The following BMPR2 variants were observed in gnomAD, a reference collection of about 807,000 sequenced individuals.
BMPR2 encodes the protein bone morphogenetic protein receptor type 2.
A neutral mutation model predicts 100.8 loss-of-function variants in BMPR2; 29 were observed. The observed-to-expected ratio is 0.29, with a 90% confidence interval of 0.21 to 0.39. The LOEUF is 0.39. Ranked by LOEUF, BMPR2 falls within the 10% of genes least tolerant of loss-of-function variation. The pLI is 1.00. For missense variants in BMPR2, 1,011 were observed against 1,274.5 expected (o/e 0.79, Z 3.15); for synonymous variants, 382 against 442.3 (o/e 0.86, Z 1.71).
chr2:202,540,531 CTT>C (rs1177068717), intron 9 of BMPR2, among the ~76,000 whole-genome samples: 14 of 152,262 alleles, frequency 9.2e-5, no homozygotes, highest in Non-Finnish European at 1.5e-4. Flanking sequence ...TTACAACAAA[CTT>C]GGGCGATGCT....
At chr2:202,451,043 TC>T (rs1402792973) in intron 1 of BMPR2, among the ~76,000 whole-genome samples, 1 of 152,146 alleles carries the variant, frequency 6.6e-6, no homozygotes. Context: ...CCAGAATTAG[TC>T]CCTGAACTTC....
At chr2:202,461,385 G>A (rs569652089) in intron 1 of BMPR2, among the ~76,000 whole-genome samples, 1 of 152,234 alleles carries the variant, frequency 6.6e-6, no homozygotes, top group Non-Finnish European at 1.5e-5. Context: ...TTGGGAGGCT[G>A]AGGCAGGAGA....
intron 3 of BMPR2, among the ~76,000 whole-genome samples, chr2:202,511,039 T>C (rs1010096800): frequency 6.6e-6 from 1 of 151,744 alleles, no homozygotes; most frequent in East Asian, 1.9e-4. Context: ...ATTAGTCATA[T>C]TAAAATGTAC....
intron 1 of BMPR2, among the ~76,000 whole-genome samples, chr2:202,432,447 A>T (rs749420482): frequency 1.3e-5 from 2 of 150,576 alleles, no homozygotes; most frequent in Non-Finnish European, 2.9e-5. Flanking sequence ...TGGTTGTAAC[A>T]TCTAGGAGAT....
Position 202,532,554 on chromosome 2 carries a change from C to G in BMPR2, c.1129-31C>G, listed in dbSNP as rs878919608. The G allele has an allele frequency of 2.5e-5, 41 of 1,610,110 alleles. No homozygotes were observed. In the South Asian group the frequency reaches 3.2e-4, roughly 13 times the overall value. On this transcript the variant is annotated intron_variant, in intron 8 of 12. Coordinates refer to ENST00000374580, the MANE Select transcript of BMPR2 (RefSeq NM_001204.7). This position sits in a 1 kb window ranked among gnomAD's most constrained non-coding sequence, Gnocchi z 4.1. ...TGTTCTTCAGAATATGCTACGTTCT[C>G]TCTCTAAAAAATATCACTCTAATTT...
chr2:202,484,007 T>C (rs1363204626), intron 3 of BMPR2, among the ~76,000 whole-genome samples: 1 of 152,164 alleles, frequency 6.6e-6, no homozygotes, highest in Non-Finnish European at 1.5e-5. Flanking sequence ...GGCAGTTGGA[T>C]CACTTAAGCC....
At chr2:202,467,265 A>G (rs998481423) in intron 2 of BMPR2, among the ~76,000 whole-genome samples, 3 of 152,190 alleles carry the variant, frequency 2.0e-5, no homozygotes, top group Non-Finnish European at 2.9e-5. Context: ...CTCCGCCTCA[A>G]TAAATAAATA....
rs532172360 is a variant in BMPR2, at chr2:202,564,786, G to C, written c.*4840G>C. 2 of 152,282 alleles carry C rather than the reference G, an allele frequency of 1.3e-5. No individual in the cohort carries two copies. Among genetic ancestry groups the C allele is most frequent in the South Asian group, 2.1e-4 (1 of 4,810 alleles). The allele number at this position is 152,282 out of a possible 1,614,324, so 9.4% of individuals were successfully genotyped here. ...AGTTAGGCTGGGCGCGGTGGCTCAC[G>C]CCTGTAATCCCAGCACTTTGGGAGG... On this transcript the variant is annotated 3_prime_UTR_variant, in exon 13 of 13. Coordinates refer to ENST00000374580, the MANE Select transcript of BMPR2 (RefSeq NM_001204.7).
intron 10 of BMPR2, among the ~76,000 whole-genome samples, chr2:202,548,462 CA>C (rs1323997914): frequency 8.3e-5 from 12 of 143,718 alleles, no homozygotes; most frequent in South Asian, 4.5e-4. Flanking sequence ...GACCCCATCT[CA>C]AAAAAAAAAG....
At chr2:202,415,904 G>A (rs1325391601) in intron 1 of BMPR2, among the ~76,000 whole-genome samples, 2 of 152,216 alleles carry the variant, frequency 1.3e-5, no homozygotes, top group Non-Finnish European at 2.9e-5. Flanking sequence ...GGATCCAGGA[G>A]TAATTTTAAC....
chr2:202,474,218 G>A (rs527789442), intron 3 of BMPR2, among the ~76,000 whole-genome samples: 12 of 152,146 alleles, frequency 7.9e-5, no homozygotes, highest in Admixed American at 7.9e-4. Context: ...CACTTTGGAA[G>A]GCCGAGGCAG....
intron 1 of BMPR2, among the ~76,000 whole-genome samples, chr2:202,401,142 A>G (rs1433348223): frequency 6.6e-6 from 1 of 152,140 alleles, no homozygotes; most frequent in African/African-American, 2.4e-5. Flanking sequence ...GAGTATGCAA[A>G]TGTCTTTTGT....
Position 202,440,456 on chromosome 2 carries a change from G to A in BMPR2, c.77-24353G>A, listed in dbSNP as rs192043478. Among the ~76,000 whole-genome samples the A allele has an allele frequency of 3.0e-3, 455 of 149,668 alleles. 29 individuals are homozygous for A. The highest frequency in any genetic ancestry group is 0.011 in the African/African-American group (438 of 39,254). On this transcript the variant is annotated intron_variant, in intron 1 of 12. Transcript: ENST00000374580. Reference sequence around the variant, plus strand: ...TCACTTCCTAGACGGGATGGCTGCCGGGAAGAGGCGCTCCTCACTTCCCAG... The same window carrying A: ...TCACTTCCTAGACGGGATGGCTGCCAGGAAGAGGCGCTCCTCACTTCCCAG...
chr2:202,541,056 G>T (rs1391825380), intron 9 of BMPR2, among the ~76,000 whole-genome samples: 1 of 152,060 alleles, frequency 6.6e-6, no homozygotes, highest in Non-Finnish European at 1.5e-5. Flanking sequence ...AGAGTTGATT[G>T]TGCTTATTGG....
At chr2:202,429,674 G>C (rs1192090780) in intron 1 of BMPR2, among the ~76,000 whole-genome samples, 2 of 152,160 alleles carry the variant, frequency 1.3e-5, no homozygotes, top group African/African-American at 2.4e-5. Flanking sequence ...ATAAAGGAAA[G>C]AGGTTTAATT....
chr2:202,507,271 A>G (rs1687537631), intron 3 of BMPR2, among the ~76,000 whole-genome samples: 1 of 152,142 alleles, frequency 6.6e-6, no homozygotes, highest in African/African-American at 2.4e-5. Flanking sequence ...TTATTTTTAA[A>G]GAAAAGGTTA....
chr2:202,387,566 A>G (rs996115258), intron 1 of BMPR2, among the ~76,000 whole-genome samples: 9 of 152,232 alleles, frequency 5.9e-5, no homozygotes, highest in African/African-American at 2.2e-4. Flanking sequence ...TGCCAGAATA[A>G]TTGTCCAGAT....
At chr2:202,398,900 G>A (rs1026923624) in intron 1 of BMPR2, among the ~76,000 whole-genome samples, 5 of 152,080 alleles carry the variant, frequency 3.3e-5, no homozygotes, top group African/African-American at 1.2e-4. Context: ...AGGCCGAGGT[G>A]GGCAGATCAC....
chr2:202,519,357 A>G (rs1332333313), intron 6 of BMPR2, among the ~76,000 whole-genome samples: 3 of 152,164 alleles, frequency 2.0e-5, no homozygotes, highest in Non-Finnish European at 2.9e-5. Context: ...AGCAAGACGC[A>G]ATCTCAAAAA....
Sources: gnomAD v4.1 joint callset for allele counts (sites outside exome capture counted in the v4.1 genomes callset) on GRCh38, gnomAD v4.1.1 for gene constraint, Gnocchi (gnomAD v3.1) non-coding constraint, MANE v1.5 for transcripts, NCBI Gene and HGNC (gene_info 2026-07-23, HGNC 2026-07-21) for gene names.